Variants in CCDC93 observed in about 807,000 individuals in gnomAD.
CCDC93 encodes the protein coiled-coil domain-containing protein 93.
Under a neutral mutation model 108.2 loss-of-function variants are expected in CCDC93, and 61 were observed. That is an observed-to-expected ratio of 0.56 (90% CI 0.46 to 0.70). CCDC93 has a LOEUF of 0.70. Ranked by LOEUF, CCDC93 falls within the 30% of genes least tolerant of loss-of-function variation. The pLI, the probability that CCDC93 is intolerant of heterozygous loss-of-function variation, is 0.00. For missense variants in CCDC93, 685 were observed against 764.2 expected, an observed-to-expected ratio of 0.90 and a Z score of 1.22; for synonymous variants, 276 against 260.4, an observed-to-expected ratio of 1.06 and a Z score of -0.58.
intron 4 of CCDC93, 171 bp from the exon 5 acceptor site, chr2:117,996,533 T>A (rs1312443642): frequency 1.8e-6 from 1 of 545,912 alleles, no homozygotes; most frequent in African/African-American, 1.9e-5. Flanking sequence ...CAGCTGGGTA[T>A]CCAAGATGTT....
intron 7 of CCDC93, among the ~76,000 whole-genome samples, chr2:117,984,231 C>G (rs74585948): frequency 6.6e-6 from 1 of 152,242 alleles, no homozygotes; most frequent in African/African-American, 2.4e-5. Flanking sequence ...ACCCCCAAAC[C>G]TAAAACCTTC....
intron 23 of CCDC93, among the ~76,000 whole-genome samples, chr2:117,921,131 T>A (rs1048990529): frequency 6.7e-6 from 1 of 148,958 alleles, no homozygotes; most frequent in Non-Finnish European, 1.5e-5. Context: ...GAGCCGAGAT[T>A]GTGCCACTGC....
At chr2:117,996,497 A>C (rs539466700) in intron 4 of CCDC93, 135 bp from the exon 5 acceptor site, 1 of 627,112 alleles carries the variant, frequency 1.6e-6, no homozygotes, top group Admixed American at 2.4e-5. Flanking sequence ...AGCTATCAAC[A>C]CATGCTGTTC....
chr2:117,936,653 A>C, intron 21 of CCDC93, 49 bp downstream of exon 21: 1 of 1,492,438 alleles, frequency 6.7e-7, no homozygotes, highest in Non-Finnish European at 9.4e-7. Context: ...CTGAATTCAA[A>C]GCGCAGGCCG....
At chr2:117,952,241 T>A in intron 13 of CCDC93, 132 bp downstream of exon 13, 1 of 715,306 alleles carries the variant, frequency 1.4e-6, no homozygotes, top group East Asian at 2.6e-5. Flanking sequence ...GTCCTCAAAA[T>A]GACTGCAGCC....
chr2:117,982,904 G>GC (rs2104795285), intron 7 of CCDC93, among the ~76,000 whole-genome samples: 2 of 152,342 alleles, frequency 1.3e-5, no homozygotes, highest in Admixed American at 1.3e-4. Flanking sequence ...ACACATGCTA[G>GC]AGGGAGGGCT....
intron 13 of CCDC93, 45 bp downstream of exon 13, chr2:117,952,328 A>G: frequency 7.5e-7 from 1 of 1,325,278 alleles, no homozygotes; most frequent in Non-Finnish European, 1.1e-6. Flanking sequence ...GTCAAAAACA[A>G]TTCTTGACAA....
intron 13 of CCDC93, chr2:117,951,328 C>T (rs1220798396): frequency 2.0e-6 from 2 of 985,230 alleles, no homozygotes; most frequent in Non-Finnish European, 2.4e-6. Flanking sequence ...AGGCAGGCGT[C>T]TTTATGAACA....
At chr2:117,954,970 TGAG>T (rs760950619) in intron 12 of CCDC93, among the ~76,000 whole-genome samples, 9 of 152,182 alleles carry the variant, frequency 5.9e-5, no homozygotes, top group African/African-American at 1.2e-4. Flanking sequence ...AAATTTACCC[TGAG>T]GCCTCCCTAC....
chr2:117,953,426 A>G (rs562742191), intron 12 of CCDC93, among the ~76,000 whole-genome samples: 1 of 152,290 alleles, frequency 6.6e-6, no homozygotes, highest in African/African-American at 2.4e-5. Flanking sequence ...TTTCAAAGAG[A>G]GCCATCTGTG....
Position 118,014,023 on chromosome 2 carries a change from A to C in CCDC93, c.-28T>G. ...TCCGACCGGGCTGTCGTAAGGCGAG[A>C]GCGAAGCCCGCCAAGCGTCCGGAGG... On this transcript the variant is annotated 5_prime_UTR_variant, in exon 1 of 24. Transcript: ENST00000376300. 6.3e-7 allele frequency: 1 copy of C among 1,588,644 alleles called. No homozygotes were observed. Among genetic ancestry groups the C allele is most frequent in the Non-Finnish European group, 8.6e-7 (1 of 1,169,014 alleles).
At chr2:117,926,456 A>G (rs1678103784) in intron 23 of CCDC93, among the ~76,000 whole-genome samples, 1 of 152,230 alleles carries the variant, frequency 6.6e-6, no homozygotes, top group Admixed American at 6.5e-5. Context: ...AATACCACAG[A>G]AATACAAACT....
At chr2:117,987,118 C>T (rs1282273562) in intron 6 of CCDC93, among the ~76,000 whole-genome samples, 1 of 150,796 alleles carries the variant, frequency 6.6e-6, no homozygotes. Context: ...TTCCGCCAAA[C>T]AATGACAATG....
At chr2:118,006,935 A>G in intron 2 of CCDC93, 119 bp from the exon 3 acceptor site, 1 of 642,568 alleles carries the variant, frequency 1.6e-6, no homozygotes, top group Admixed American at 2.8e-5. Flanking sequence ...AAAATTATAT[A>G]TCTTGAGAGA....
intron 23 of CCDC93, among the ~76,000 whole-genome samples, chr2:117,926,993 A>T (rs1171135748): frequency 6.6e-6 from 1 of 152,244 alleles, no homozygotes; most frequent in African/African-American, 2.4e-5. Context: ...ATAATCCAGC[A>T]TATAAACAGA....
intron 13 of CCDC93, chr2:117,951,560 G>C: frequency 1.0e-6 from 1 of 999,586 alleles, no homozygotes; most frequent in Non-Finnish European, 1.2e-6. Flanking sequence ...TTTCGGAGAC[G>C]TCTTTGAAGA....
At chr2:118,003,554 G>C (rs749800206) in intron 3 of CCDC93, among the ~76,000 whole-genome samples, 4 of 152,130 alleles carry the variant, frequency 2.6e-5, no homozygotes, top group Non-Finnish European at 4.4e-5. Flanking sequence ...GGTTTGCATA[G>C]AGTTACCAAT....
intron 7 of CCDC93, among the ~76,000 whole-genome samples, chr2:117,983,135 T>C (rs939344847): frequency 2.0e-5 from 3 of 152,174 alleles, no homozygotes; most frequent in Admixed American, 6.5e-5. Context: ...AGACTGAAAA[T>C]TAAATACCAC....
chr2:117,990,685 T>C (rs549777469), intron 6 of CCDC93, among the ~76,000 whole-genome samples: 1 of 151,252 alleles, frequency 6.6e-6, no homozygotes, highest in African/African-American at 2.4e-5. Context: ...TTCCACACAA[T>C]TAATAATCTA....
Sources: gnomAD v4.1 joint callset for allele counts (sites outside exome capture counted in the v4.1 genomes callset) on GRCh38, gnomAD v4.1.1 for gene constraint, MANE v1.5 for transcripts, NCBI Gene and HGNC (gene_info 2026-07-23, HGNC 2026-07-21) for gene names.